The following ENTREP2 variants were observed in gnomAD, a reference collection of about 807,000 sequenced individuals.
The protein encoded by ENTREP2 is protein ENTREP2.
At chr15:29,591,383 T>C in the ENTREP2 span, among the ~76,000 whole-genome samples, 2 of 152,204 alleles carry the variant, frequency 1.3e-5, no homozygotes, top group African/African-American at 2.4e-5. Context: ...AGGAGTGACT[T>C]ATTTCATGGA....
the ENTREP2 span, among the ~76,000 whole-genome samples, chr15:29,200,984 T>C: frequency 9.8e-5 from 15 of 152,362 alleles, no homozygotes; most frequent in East Asian, 2.3e-3. Flanking sequence ...TTTACACTTA[T>C]GTATCTTTTT....
chr15:29,239,114 A>G, the ENTREP2 span, among the ~76,000 whole-genome samples: 3 of 152,128 alleles, frequency 2.0e-5, no homozygotes, highest in Non-Finnish European at 4.4e-5. Flanking sequence ...CTGCTTCAGG[A>G]GATGTTTATG....
At chr15:29,158,724 A>T in the ENTREP2 span, among the ~76,000 whole-genome samples, 87,270 of 151,958 alleles carry the variant, frequency 0.57, 25,242 homozygotes, top group East Asian at 0.71. Flanking sequence ...GGCGAATATG[A>T]GAGAGAGGCG....
At chr15:29,163,165 C>T in the ENTREP2 span, among the ~76,000 whole-genome samples, 3 of 152,168 alleles carry the variant, frequency 2.0e-5, no homozygotes, top group African/African-American at 7.2e-5. Flanking sequence ...GAACAACAGC[C>T]TTCAGCCCTA....
chr15:29,653,901 A>G, the ENTREP2 span, among the ~76,000 whole-genome samples: 13 of 152,154 alleles, frequency 8.5e-5, no homozygotes, highest in Non-Finnish European at 1.8e-4. Flanking sequence ...AAGAATCTGG[A>G]TTTTTAAATG....
At chr15:29,141,400 T>G in the ENTREP2 span, among the ~76,000 whole-genome samples, 1 of 152,180 alleles carries the variant, frequency 6.6e-6, no homozygotes, top group African/African-American at 2.4e-5. Flanking sequence ...AAAGGAAGGC[T>G]TGGATCATTA....
At chr15:29,625,335 A>C in the ENTREP2 span, among the ~76,000 whole-genome samples, 1 of 152,120 alleles carries the variant, frequency 6.6e-6, no homozygotes, top group Non-Finnish European at 1.5e-5. Context: ...TGAGTGTACA[A>C]GTTTGTGTGT....
chr15:29,512,264 C>G, the ENTREP2 span, among the ~76,000 whole-genome samples: 2 of 152,044 alleles, frequency 1.3e-5, no homozygotes, highest in African/African-American at 4.8e-5. Flanking sequence ...GCTTCAGGCC[C>G]CATAAAGCTA....
chr15:29,590,416 C>T, the ENTREP2 span, among the ~76,000 whole-genome samples: 2 of 152,140 alleles, frequency 1.3e-5, no homozygotes, highest in African/African-American at 2.4e-5. Flanking sequence ...GGCGCGGTGG[C>T]TCACGCCTGT....
the ENTREP2 span, among the ~76,000 whole-genome samples, chr15:29,474,557 GT>G: frequency 1.2e-3 from 177 of 147,216 alleles, no homozygotes; most frequent in African/African-American, 4.3e-3. Context: ...TTCTGTTGTT[GT>G]TTTTTTTTCC....
the ENTREP2 span, among the ~76,000 whole-genome samples, chr15:29,427,042 G>C: frequency 1.3e-5 from 2 of 151,974 alleles, no homozygotes; most frequent in Non-Finnish European, 1.5e-5. Context: ...TTATCTTATG[G>C]GTGCTTGGTT....
the ENTREP2 span, among the ~76,000 whole-genome samples, chr15:29,670,364 G>A: frequency 1.4e-4 from 22 of 152,286 alleles, no homozygotes; most frequent in African/African-American, 4.6e-4. Context: ...CAGAACAGTG[G>A]TTCCAGCGGT....
At chr15:29,445,747 T>A in the ENTREP2 span, among the ~76,000 whole-genome samples, 160 of 152,326 alleles carry the variant, frequency 1.1e-3, no homozygotes, top group Non-Finnish European at 1.9e-3. Context: ...ATCCCACTCC[T>A]GGAGAAGGGA....
chr15:29,489,562 T>C, the ENTREP2 span, among the ~76,000 whole-genome samples: 1 of 152,214 alleles, frequency 6.6e-6, no homozygotes, highest in Non-Finnish European at 1.5e-5. Context: ...TTGAATTCAT[T>C]CTATACATAG....
the ENTREP2 span, among the ~76,000 whole-genome samples, chr15:29,158,733 C>T: frequency 6.6e-6 from 1 of 152,024 alleles, no homozygotes; most frequent in African/African-American, 2.4e-5. Flanking sequence ...GAGAGAGAGG[C>T]GGGTCTTTCA....
At chr15:29,330,160 C>T in the ENTREP2 span, among the ~76,000 whole-genome samples, 177 of 152,076 alleles carry the variant, frequency 1.2e-3, 1 homozygote, top group Non-Finnish European at 2.2e-3. Context: ...CAGTCTTGGC[C>T]GAGCGCGGCA....
the ENTREP2 span, among the ~76,000 whole-genome samples, chr15:29,320,413 C>T: frequency 1.5e-4 from 23 of 152,270 alleles, no homozygotes; most frequent in Non-Finnish European, 2.6e-4. Context: ...TAATATAAAA[C>T]CTCACAGGTA....
the ENTREP2 span, among the ~76,000 whole-genome samples, chr15:29,471,858 G>A: frequency 2.0e-5 from 3 of 152,156 alleles, no homozygotes; most frequent in Admixed American, 1.3e-4. Context: ...ACATGCACAC[G>A]TGGAGATTTG....
At chr15:29,383,056 C>T in the ENTREP2 span, among the ~76,000 whole-genome samples, 2 of 152,130 alleles carry the variant, frequency 1.3e-5, no homozygotes, top group African/African-American at 2.4e-5. Context: ...CTCCTGGCCT[C>T]CTCCCTCTCC....
Sources: allele counts gnomAD v4.1 joint callset (sites outside exome capture counted in the v4.1 genomes callset), GRCh38; gene constraint gnomAD v4.1.1; transcripts MANE v1.5; gene names NCBI Gene and HGNC (gene_info 2026-07-23, HGNC 2026-07-21).